Variants in IFT80 observed in about 807,000 individuals in gnomAD.
IFT80 encodes the protein intraflagellar transport protein 80 homolog.
In IFT80, 79 loss-of-function variants were observed where a neutral mutation model predicts 107.9. The ratio of observed to expected loss-of-function variants is 0.73; its 90% CI spans 0.61 to 0.88. The LOEUF is 0.88. Among genes scored for constraint, IFT80 ranks in the 40% least tolerant of loss-of-function variants. IFT80 has a pLI of 0.00. For missense variants in IFT80, 797 were observed against 914.2 expected (o/e 0.87, Z 1.65); for synonymous variants, 299 against 300.9 (o/e 0.99, Z 0.07).
chr3:160,370,375 A>ATTTTT (rs200660321), intron 5 of IFT80, among the ~76,000 whole-genome samples: 1 of 146,664 alleles, frequency 6.8e-6, no homozygotes. Context: ...TAGCCATTTG[A>ATTTTT]TTTTTTTTTT....
At chr3:160,343,439 T>C (rs919056376) in intron 8 of IFT80, among the ~76,000 whole-genome samples, 1 of 152,208 alleles carries the variant, frequency 6.6e-6, no homozygotes, top group African/African-American at 2.4e-5. Flanking sequence ...TGCTATTGTT[T>C]AATATAGTAT....
At chr3:160,385,038 C>T (rs1712817913) in intron 1 of IFT80, among the ~76,000 whole-genome samples, 1 of 152,176 alleles carries the variant, frequency 6.6e-6, no homozygotes, top group South Asian at 2.1e-4. Context: ...GGCTAAGCTA[C>T]AATTCTAGAA....
chr3:160,308,976 A>G (rs2108278984), intron 9 of IFT80, among the ~76,000 whole-genome samples: 2 of 152,322 alleles, frequency 1.3e-5, no homozygotes, highest in South Asian at 4.1e-4. Flanking sequence ...GGCCCTTGCC[A>G]GACACTAAAT....
At chr3:160,375,576 TA>T (rs34052180) in intron 5 of IFT80, among the ~76,000 whole-genome samples, 1 of 151,690 alleles carries the variant, frequency 6.6e-6, no homozygotes, top group Non-Finnish European at 1.5e-5. Context: ...TTCACTAACA[TA>T]AAAAAAAGCC....
rs749134206 is a variant in IFT80, at chr3:160,277,618, A to T, written c.1889T>A (p.Met630Lys). 4.3e-6 allele frequency: 7 copies of T among 1,613,720 alleles called. No individual in the cohort carries two copies. In the South Asian group the frequency reaches 7.7e-5, roughly 18 times the overall value. The change falls in exon 17 of 20, where the codon ATG (methionine) becomes AAG (lysine). Residue 630 changes from methionine (M) to lysine (K), a missense_variant. By Grantham distance (95) the Met-to-Lys change is moderately conservative. Transcript: ENST00000326448. ...LAAMAVANRDMTTAEIAYAAI... is the reference protein window; with the variant it reads ...LAAMAVANRDKTTAEIAYAAI... ...TGCATAGGCTATTTCTGCAGTAGTC[A>T]TATCTCGATTAGCAACTGCCATAGC...
chr3:160,280,760 A>T lies in IFT80; in HGVS notation c.1571T>A (p.Leu524His). Residue 524 changes from leucine to histidine, a missense_variant, in exon 15 of 20, where the codon CTT becomes CAT. Coordinates refer to ENST00000326448, the MANE Select transcript of IFT80 (RefSeq NM_020800.3). ...CCACACTATAAATCGAGTATCTTGA[A>T]GTCCACAAAGGATATTGCATGTATC... ...WNDTCNILCG[L>H]QDTRFIVWYY... The T allele has an allele frequency of 6.2e-7, 1 of 1,613,024 alleles. No individual in the cohort carries two copies.
chr3:160,397,716 C>CTTTTTTTTTTT, intron 1 of IFT80, among the ~76,000 whole-genome samples: 1 of 96,598 alleles, frequency 1.0e-5, no homozygotes, highest in Non-Finnish European at 2.0e-5. Context: ...TTGGTCTATA[C>CTTTTTTTTTTT]TTTTTTTTTT....
intron 6 of IFT80, among the ~76,000 whole-genome samples, chr3:160,358,699 C>T (rs552983067): frequency 9.9e-5 from 15 of 152,102 alleles, no homozygotes; most frequent in Admixed American, 2.0e-4. Flanking sequence ...ATAAATATTG[C>T]GTATTCAAGA....
intron 2 of IFT80, chr3:160,384,043 G>A (rs1244639650): frequency 1.6e-5 from 8 of 510,120 alleles, no homozygotes; most frequent in Admixed American, 6.4e-5. Context: ...TCGAGAGTTC[G>A]AGACCAGCCT....
At chr3:160,380,432 G>A (rs955953096) in intron 3 of IFT80, among the ~76,000 whole-genome samples, 3 of 152,068 alleles carry the variant, frequency 2.0e-5, no homozygotes, top group Non-Finnish European at 4.4e-5. Flanking sequence ...TGAGCCTTGG[G>A]CTACTGGCCA....
rs760164436 is a variant in IFT80, at chr3:160,319,870, G to A, written c.847C>T (p.Gln283Ter). 2.5e-6 allele frequency: 4 copies of A among 1,612,724 alleles called. No homozygotes were observed. Among genetic ancestry groups the A allele is most frequent in the Non-Finnish European group, 2.5e-6 (3 of 1,179,202 alleles). ...CCATTTCCACAGGCTCCAGCAATCTGAGTGCCATCGATAGACCATGCAATA... is the reference window on the plus strand; with the variant it reads ...CCATTTCCACAGGCTCCAGCAATCTAAGTGCCATCGATAGACCATGCAATA... ...FNIAWSIDGTQIAGACGNGHV... is the reference protein window; with the variant it reads ...FNIAWSIDGT Residue 283 changes from glutamine to a stop codon, truncating the protein, a stop_gained, in exon 9 of 20, where the codon CAG (glutamine) becomes TAG (stop). Coordinates refer to ENST00000326448, the MANE Select transcript of IFT80 (RefSeq NM_020800.3). LOFTEE classifies it high-confidence loss of function.
chr3:160,298,450 T>C (rs1382656781), intron 12 of IFT80, among the ~76,000 whole-genome samples: 1 of 152,108 alleles, frequency 6.6e-6, no homozygotes, highest in Non-Finnish European at 1.5e-5. Context: ...AAAACTTACA[T>C]AAGTAAAACA....
intron 13 of IFT80, among the ~76,000 whole-genome samples, chr3:160,285,569 A>G (rs1715028509): frequency 6.6e-6 from 1 of 152,240 alleles, no homozygotes; most frequent in African/African-American, 2.4e-5. Context: ...CAACAGACAT[A>G]TAAGTCAGAT....
chr3:160,385,537 A>T (rs1343875796), intron 1 of IFT80, among the ~76,000 whole-genome samples: 1 of 152,240 alleles, frequency 6.6e-6, no homozygotes, highest in Non-Finnish European at 1.5e-5. Context: ...GGCCTCTCTT[A>T]GATAATTTCT....
chr3:160,356,538 A>C (rs1466520103), intron 7 of IFT80, among the ~76,000 whole-genome samples: 1 of 152,140 alleles, frequency 6.6e-6, no homozygotes, highest in African/African-American at 2.4e-5. Context: ...TTTGAATTTT[A>C]GAGACAGGGT....
At chr3:160,285,532 G>A (rs1364095760) in intron 13 of IFT80, among the ~76,000 whole-genome samples, 1 of 152,136 alleles carries the variant, frequency 6.6e-6, no homozygotes, top group East Asian at 1.9e-4. Context: ...AAAAGAACAT[G>A]TAACTGAAAA....
At chr3:160,263,962 C>T (rs1357647734) in intron 19 of IFT80, among the ~76,000 whole-genome samples, 2 of 152,096 alleles carry the variant, frequency 1.3e-5, no homozygotes, top group African/African-American at 2.4e-5. Flanking sequence ...TGAGCCACTG[C>T]GTCCAGCCTA....
At chr3:160,323,664 C>T (rs1392624968) in intron 8 of IFT80, among the ~76,000 whole-genome samples, 4 of 151,776 alleles carry the variant, frequency 2.6e-5, no homozygotes, top group Non-Finnish European at 5.9e-5. Flanking sequence ...TAAATGTCCA[C>T]AAGAGAAGCA....
chr3:160,334,403 T>G (rs572407157), intron 8 of IFT80, among the ~76,000 whole-genome samples: 1 of 151,302 alleles, frequency 6.6e-6, no homozygotes, highest in South Asian at 2.1e-4. Flanking sequence ...TGTGTTTCAC[T>G]AAATATGATG....
Sources: gnomAD v4.1 joint callset for allele counts (sites outside exome capture counted in the v4.1 genomes callset) on GRCh38, gnomAD v4.1.1 for gene constraint, MANE v1.5 for transcripts, NCBI Gene and HGNC (gene_info 2026-07-23, HGNC 2026-07-21) for gene names.